RNF24: variants seen among roughly 807,000 people sequenced by gnomAD.
RNF24 encodes the protein ring finger protein 24.
A neutral mutation model predicts 20.0 loss-of-function variants in RNF24; 14 were observed. The ratio of observed to expected loss-of-function variants is 0.70; its 90% CI spans 0.46 to 1.10. RNF24 has a LOEUF of 1.10. Among genes scored for constraint, RNF24 ranks in the 50% least tolerant of loss-of-function variants. RNF24 has a pLI of 0.00. For synonymous variants in RNF24, 45 were observed against 61.1 expected, an observed-to-expected ratio of 0.74 and a Z score of 1.23; for missense variants, 124 against 177.6, an observed-to-expected ratio of 0.70 and a Z score of 1.71.
chr20:3,973,761 A>C (rs1176024407), intron 1 of RNF24, among the ~76,000 whole-genome samples: 1 of 152,178 alleles, frequency 6.6e-6, no homozygotes, highest in African/African-American at 2.4e-5. Context: ...TTAAAAATTC[A>C]CAAAAAAGAA....
At chr20:4,005,304 T>C (rs973067783) in intron 1 of RNF24, among the ~76,000 whole-genome samples, 3 of 152,188 alleles carry the variant, frequency 2.0e-5, no homozygotes, top group Non-Finnish European at 4.4e-5. Flanking sequence ...ATTTTCTGAG[T>C]ATAATATTGC....
intron 3 of RNF24, among the ~76,000 whole-genome samples, chr20:3,945,548 C>G (rs1225746621): frequency 6.6e-6 from 1 of 152,016 alleles, no homozygotes; most frequent in East Asian, 1.9e-4. Flanking sequence ...AACCCTGTCT[C>G]TACTAAAAAT....
chr20:3,973,361 A>G (rs1433850268), intron 1 of RNF24, among the ~76,000 whole-genome samples: 1 of 152,104 alleles, frequency 6.6e-6, no homozygotes, highest in Non-Finnish European at 1.5e-5. Flanking sequence ...GAACCCAGAA[A>G]AAGGGCAAGT....
At chr20:3,979,106 A>C (rs1979165664) in intron 1 of RNF24, among the ~76,000 whole-genome samples, 2 of 149,800 alleles carry the variant, frequency 1.3e-5, no homozygotes, top group Non-Finnish European at 1.5e-5. Flanking sequence ...AAAAAAAAAA[A>C]CCCAAAACAA....
chr20:3,992,322 C>T (rs1031838402), intron 1 of RNF24, among the ~76,000 whole-genome samples: 9 of 152,290 alleles, frequency 5.9e-5, no homozygotes, highest in Admixed American at 5.2e-4. Context: ...GTTATATCAA[C>T]ATACAGGAAG....
At chr20:3,936,130 C>T (rs577044985) in intron 4 of RNF24, among the ~76,000 whole-genome samples, 1 of 152,302 alleles carries the variant, frequency 6.6e-6, no homozygotes, top group Non-Finnish European at 1.5e-5. Context: ...TGAACCGTGC[C>T]ATGTTGGTTT....
intron 4 of RNF24, among the ~76,000 whole-genome samples, chr20:3,942,903 G>A (rs1382266811): frequency 6.6e-6 from 1 of 151,066 alleles, no homozygotes; most frequent in Non-Finnish European, 1.5e-5. Flanking sequence ...TGCAACCTCT[G>A]CCTCCAGGTT....
intron 1 of RNF24, among the ~76,000 whole-genome samples, chr20:3,978,759 T>C (rs999054155): frequency 6.6e-6 from 1 of 152,106 alleles, no homozygotes; most frequent in African/African-American, 2.4e-5. Flanking sequence ...GAAATATTAA[T>C]CTCCAAATGA....
At chr20:3,979,606 C>G (rs1004182106) in intron 1 of RNF24, among the ~76,000 whole-genome samples, 4 of 152,234 alleles carry the variant, frequency 2.6e-5, no homozygotes, top group Non-Finnish European at 4.4e-5. Flanking sequence ...ACCCAGGAAG[C>G]AGAGGTTGCA....
At chr20:3,985,522 G>A (rs1361026868) in intron 1 of RNF24, among the ~76,000 whole-genome samples, 1 of 151,606 alleles carries the variant, frequency 6.6e-6, no homozygotes, top group African/African-American at 2.4e-5. Context: ...TGCTACCATT[G>A]TTTTCTCTGG....
At chr20:3,952,564 C>G (rs956308053) in intron 2 of RNF24, among the ~76,000 whole-genome samples, 3 of 143,582 alleles carry the variant, frequency 2.1e-5, no homozygotes, top group Admixed American at 1.4e-4. Flanking sequence ...ATACACTTTT[C>G]TTTTATTCTT....
At chr20:3,955,524 G>T (rs551153623) in intron 2 of RNF24, among the ~76,000 whole-genome samples, 147 of 152,150 alleles carry the variant, frequency 9.7e-4, no homozygotes, top group Non-Finnish European at 1.8e-3. Flanking sequence ...ACAATTTTTT[G>T]ATTACAGTAG....
In RNF24 at chr20:3,980,184, T is replaced by C. The variant is rs538639793; in HGVS notation, c.-7-16160A>G. ...GGCTCAAGAAGAAAACTTGAAAATA[T>C]AGAAATATCTTCACAAAAAAGGCTT... On this transcript the variant is annotated intron_variant, in intron 1 of 5. Transcript: ENST00000358395. Among the ~76,000 whole-genome samples the C allele has an allele frequency of 3.9e-5, 6 of 152,324 alleles. No homozygotes were observed. The South Asian group carries it at 1.2e-3, about 32-fold the overall frequency.
intron 4 of RNF24, among the ~76,000 whole-genome samples, chr20:3,938,543 T>A (rs1390156040): frequency 6.6e-6 from 1 of 152,218 alleles, no homozygotes; most frequent in African/African-American, 2.4e-5. Flanking sequence ...ACTTTTGTTC[T>A]ACAAAAGACC....
At position 3,976,297 on chromosome 20, in the gene RNF24, G is replaced by C. The variant is rs188177283; in HGVS notation, c.-7-12273C>G. 2.0e-5 allele frequency among the ~76,000 whole-genome samples: 3 copies of C among 152,250 alleles called. No homozygotes were observed. The East Asian group carries it at 5.8e-4, about 29-fold the overall frequency. On this transcript the variant is annotated intron_variant, in intron 1 of 5. Transcript: ENST00000358395. Reference sequence around the variant, plus strand: ...ATGTTCAAAATCATTAGCTATTAGGGAAATAGAAATTAAAGCCACAATGAG... The same window carrying C: ...ATGTTCAAAATCATTAGCTATTAGGCAAATAGAAATTAAAGCCACAATGAG...
At chr20:3,979,901 T>C (rs144528249) in intron 1 of RNF24, among the ~76,000 whole-genome samples, 1 of 151,800 alleles carries the variant, frequency 6.6e-6, no homozygotes, top group East Asian at 1.9e-4. Context: ...TGAAAATAAA[T>C]GGACACAAGA....
intron 4 of RNF24, among the ~76,000 whole-genome samples, chr20:3,935,594 A>G (rs1372645182): frequency 6.6e-6 from 1 of 152,228 alleles, no homozygotes; most frequent in Non-Finnish European, 1.5e-5. Context: ...TCCTTCTGTC[A>G]GTGTCTCTGT....
intron 1 of RNF24, among the ~76,000 whole-genome samples, chr20:3,970,686 T>C (rs779882450): frequency 8.6e-5 from 13 of 151,964 alleles, no homozygotes; most frequent in Non-Finnish European, 1.5e-4. Context: ...AACACAATAA[T>C]TGAAATAAAA....
chr20:3,970,818 G>A (rs1312028302), intron 1 of RNF24, among the ~76,000 whole-genome samples: 1 of 152,176 alleles, frequency 6.6e-6, no homozygotes, highest in Non-Finnish European at 1.5e-5. Context: ...GGCCAAGGTG[G>A]ATGGATCTCT....
Sources: gnomAD v4.1 joint callset for allele counts (sites outside exome capture counted in the v4.1 genomes callset) on GRCh38, gnomAD v4.1.1 for gene constraint, MANE v1.5 for transcripts, NCBI Gene and HGNC (gene_info 2026-07-23, HGNC 2026-07-21) for gene names.